Variants in LEF1 observed in about 807,000 individuals in gnomAD.
The protein encoded by LEF1 is lymphoid enhancer binding factor 1.
A neutral mutation model predicts 51.2 loss-of-function variants in LEF1; 14 were observed. The ratio of observed to expected loss-of-function variants is 0.27; its 90% CI spans 0.18 to 0.43. LEF1 has a LOEUF of 0.43. Among genes scored for constraint, LEF1 ranks in the 20% least tolerant of loss-of-function variants. The pLI, the probability that LEF1 is intolerant of heterozygous loss-of-function variation, is 1.00. For missense variants in LEF1, 386 were observed against 512.0 expected (o/e 0.75, Z 2.37); for synonymous variants, 185 against 183.2 (o/e 1.01, Z -0.08).
At position 108,059,269 on chromosome 4, in the gene LEF1, G is replaced by A. The variant is rs115240333; in HGVS notation, c.*6+4354C>T. ...GGCTGCATGCGGCCACTGCGCTGGC[G>A]CTGCCCATCAAAAAATGGGAAGCAT... On this transcript the variant is annotated intron_variant, in intron 11 of 11. Transcript: ENST00000265165. 4.3e-3 allele frequency among the ~76,000 whole-genome samples: 655 copies of A among 152,284 alleles called. 4 individuals carry two copies. Among genetic ancestry groups the A allele is most frequent in the African/African-American group, 0.014 (592 of 41,556 alleles).
intron 3 of LEF1, among the ~76,000 whole-genome samples, chr4:108,103,586 C>T (rs547445351): frequency 8.5e-5 from 13 of 152,246 alleles, no homozygotes; most frequent in East Asian, 1.9e-4. Context: ...CTGATTTCAC[C>T]GGAATTTGGA....
At position 108,083,085 on chromosome 4, in the gene LEF1, C is replaced by T. The variant is rs1739419214; in HGVS notation, c.638+271G>A. 9.1e-6 allele frequency: 4 copies of T among 440,146 alleles called. No homozygotes were observed. The Admixed American group carries it at 1.2e-4, about 13-fold the overall frequency. The allele number at this position is 440,146 out of a possible 1,614,324, so 27.3% of individuals were successfully genotyped here. A position where few individuals can be genotyped will look rare whatever the true frequency, so the allele number is the denominator to read the frequency against. On this transcript the variant is annotated intron_variant, in intron 5 of 11. Transcript: ENST00000265165. ...ACTTTGTACAGGCATAGCAAATGCC[C>T]AAAGCCACAAAGGGAATCCATAAAA...
intron 8 of LEF1, chr4:108,075,324 C>T (rs1453094546): frequency 1.3e-5 from 2 of 152,298 alleles, no homozygotes; most frequent in East Asian, 3.9e-4. Context: ...CTGGAAATCT[C>T]CTAAATGTTT....
In LEF1 at chr4:108,093,233, T is replaced by C. The variant is rs909844047; in HGVS notation, c.415-3976A>G. Among the ~76,000 whole-genome samples, 7 of 152,146 alleles carry C rather than the reference T, an allele frequency of 4.6e-5. No individual in the cohort carries two copies. The South Asian group carries it at 8.3e-4, about 18-fold the overall frequency. ...AGTAACGCAGGGACACTGAATACAA[T>C]GGGAATGAACCCCCTGGGCTGCCCA... On this transcript the variant is annotated intron_variant, in intron 3 of 11. Coordinates refer to ENST00000265165, the MANE Select transcript of LEF1 (RefSeq NM_016269.5).
At chr4:108,048,987 T>C (rs933559499) in intron 11 of LEF1, among the ~76,000 whole-genome samples, 4 of 152,088 alleles carry the variant, frequency 2.6e-5, no homozygotes, top group Admixed American at 2.6e-4. Flanking sequence ...CCCAGAGTTA[T>C]GATGTGAAGT....
chr4:108,049,905 C>A (rs193233029), intron 11 of LEF1, among the ~76,000 whole-genome samples: 1 of 152,180 alleles, frequency 6.6e-6, no homozygotes, highest in Non-Finnish European at 1.5e-5. Context: ...ATGGGAACTG[C>A]GAGGACACCT....
At chr4:108,108,369 T>C (rs1465166186) in intron 3 of LEF1, among the ~76,000 whole-genome samples, 3 of 152,166 alleles carry the variant, frequency 2.0e-5, no homozygotes, top group Non-Finnish European at 4.4e-5. Context: ...ACTTTCAGCT[T>C]CTTCTAGATT....
intron 4 of LEF1, among the ~76,000 whole-genome samples, chr4:108,085,181 C>T (rs1439890884): frequency 3.9e-5 from 6 of 152,174 alleles, no homozygotes; most frequent in South Asian, 2.1e-4. Context: ...CTCTGCCTTC[C>T]GGGTTCAAGC....
chr4:108,099,570 G>GTGTGTGTGTGTATA (rs1266681210), intron 3 of LEF1, among the ~76,000 whole-genome samples: 2 of 70,196 alleles, frequency 2.8e-5, no homozygotes, highest in Admixed American at 1.8e-4. Flanking sequence ...GTGTGTGTGT[G>GTGTGTGTGTGTATA]TATATATATA....
intron 3 of LEF1, among the ~76,000 whole-genome samples, chr4:108,148,557 G>A (rs940607546): frequency 6.6e-6 from 1 of 152,206 alleles, no homozygotes; most frequent in African/African-American, 2.4e-5. Context: ...AGCTGTGGAT[G>A]TTTGCACAAG....
intron 3 of LEF1, among the ~76,000 whole-genome samples, chr4:108,098,963 G>C (rs1001889941): frequency 6.6e-6 from 1 of 152,172 alleles, no homozygotes; most frequent in South Asian, 2.1e-4. Context: ...GCGTTGTAGA[G>C]TTGTGCTGTC....
intron 9 of LEF1, among the ~76,000 whole-genome samples, chr4:108,069,407 G>A (rs1358524364): frequency 9.2e-5 from 14 of 152,274 alleles, no homozygotes; most frequent in East Asian, 1.9e-4. Context: ...ACATAAGTGA[G>A]ATGCTCAAAT....
At position 108,089,203 on chromosome 4, in the gene LEF1, G is replaced by T. The variant is rs555674649; in HGVS notation, c.469C>A (p.Leu157Ile). 73 of 1,613,944 alleles carry T rather than the reference G, an allele frequency of 4.5e-5. No individual in the cohort carries two copies. The Admixed American group carries it at 1.2e-3, about 26-fold the overall frequency. Residue 157 changes from leucine (L) to isoleucine (I), a missense_variant, in exon 4 of 12, where the codon CTC (leucine) becomes ATC (isoleucine). Leu to Ile is a conservative substitution (Grantham distance 5). Coordinates refer to ENST00000265165, the MANE Select transcript of LEF1 (RefSeq NM_016269.5). Reference sequence around the variant, plus strand: ...AAGTGCTCGTCACTGTAAGTGATGAGGGGGGTGAGAGGATGGACCGCATGG... The same window carrying T: ...AAGTGCTCGTCACTGTAAGTGATGATGGGGGTGAGAGGATGGACCGCATGG... The part of the protein sequence containing the change: ...PSHAVHPLTP[L>I]ITYSDEHFSP...
chr4:108,085,053 C>T (rs1026650748), intron 4 of LEF1, among the ~76,000 whole-genome samples: 19 of 152,092 alleles, frequency 1.2e-4, no homozygotes, highest in Non-Finnish European at 2.8e-4. Context: ...AAAATCGTAG[C>T]GGTCACAGAC....
intron 3 of LEF1, among the ~76,000 whole-genome samples, chr4:108,125,896 G>A (rs985010811): frequency 3.9e-5 from 6 of 152,040 alleles, no homozygotes; most frequent in African/African-American, 9.7e-5. Context: ...CTCTAAGTTC[G>A]AAAAGTTACT....
At chr4:108,155,380 A>G (rs777158955) in intron 3 of LEF1, among the ~76,000 whole-genome samples, 5 of 152,228 alleles carry the variant, frequency 3.3e-5, no homozygotes, top group African/African-American at 1.2e-4. Context: ...AAGCGAGCCC[A>G]AGAGAGGAAA....
intron 3 of LEF1, among the ~76,000 whole-genome samples, chr4:108,119,004 C>T (rs1742005138): frequency 6.6e-6 from 1 of 150,630 alleles, no homozygotes; most frequent in Non-Finnish European, 1.5e-5. Flanking sequence ...AACTATACCG[C>T]ACAGTACATG....
intron 3 of LEF1, among the ~76,000 whole-genome samples, chr4:108,118,118 G>T (rs991302532): frequency 1.3e-5 from 2 of 152,184 alleles, no homozygotes; most frequent in Non-Finnish European, 2.9e-5. Flanking sequence ...CAGCTAACAA[G>T]TAGTAGAGGT....
chr4:108,081,550 T>TTG, intron 6 of LEF1, 36 bp downstream of exon 6: 4 of 1,554,744 alleles, frequency 2.6e-6, no homozygotes, highest in Non-Finnish European at 3.6e-6. Flanking sequence ...GAAGAGCAAC[T>TTG]TGTCCTCGAG....
Sources: allele counts gnomAD v4.1 joint callset (sites outside exome capture counted in the v4.1 genomes callset), GRCh38; gene constraint gnomAD v4.1.1; transcripts MANE v1.5; gene names NCBI Gene and HGNC (gene_info 2026-07-23, HGNC 2026-07-21).